Variants in ADD1 observed in about 807,000 individuals in gnomAD.
The protein encoded by ADD1 is alpha-adducin.
In ADD1, 24 loss-of-function variants were observed where a neutral mutation model predicts 80.5. The observed-to-expected ratio is 0.30, with a 90% CI of 0.22 to 0.42. The LOEUF (loss-of-function observed/expected upper bound fraction) is 0.42. Ranked by LOEUF, ADD1 falls within the 10% of genes least tolerant of loss-of-function variation. The probability of loss-of-function intolerance (pLI) is 1.00; values close to 1 mark genes in which losing one functional copy is unlikely to be tolerated. For synonymous variants in ADD1, 373 were observed against 393.8 expected (o/e 0.95, Z 0.63); for missense variants, 948 against 1,019.0 (o/e 0.93, Z 0.95).
intron 1 of ADD1, among the ~76,000 whole-genome samples, chr4:2,863,669 C>T (rs112015875): frequency 6.6e-6 from 1 of 152,036 alleles, no homozygotes; most frequent in Non-Finnish European, 1.5e-5. Context: ...TTCCAGACAG[C>T]ATTTTTGATT....
chr4:2,890,291 A>G (rs1734093873), intron 4 of ADD1, among the ~76,000 whole-genome samples: 1 of 152,226 alleles, frequency 6.6e-6, no homozygotes. Context: ...AAGGAATTTC[A>G]CAGAAGGGGA....
In ADD1 at chr4:2,905,023, C is replaced by T. The variant is rs181999328; in HGVS notation, c.1421C>T (p.Thr474Met). ...SSPKSKTKVW[T>M]NITHDHVKPL... ...CCCAAGTCGAAGACTAAGGTGTGGACGAACATTACACACGATCACGTGAAA... is the reference window on the plus strand; with the variant it reads ...CCCAAGTCGAAGACTAAGGTGTGGATGAACATTACACACGATCACGTGAAA... The change falls in exon 10 of 16, where the codon ACG (threonine) becomes ATG (methionine). Residue 474 changes from threonine to methionine, a missense_variant. Coordinates refer to ENST00000683351, the MANE Select transcript of ADD1 (RefSeq NM_001354761.2). 22 of 1,614,154 alleles carry T rather than the reference C, an allele frequency of 1.4e-5. No homozygotes were observed. In the Admixed American group the frequency reaches 1.8e-4, roughly 13 times the overall value.
intron 4 of ADD1, among the ~76,000 whole-genome samples, chr4:2,891,849 T>C (rs201146341): frequency 1.3e-5 from 2 of 152,294 alleles, no homozygotes; most frequent in East Asian, 3.9e-4. Flanking sequence ...CTACAGATCA[T>C]ATAAGGGGAG....
At chr4:2,892,287 T>C (rs28582852) in intron 4 of ADD1, among the ~76,000 whole-genome samples, 2,025 of 152,326 alleles carry the variant, frequency 0.013, 48 homozygotes, top group African/African-American at 0.046. Context: ...CCTTAACCCA[T>C]TAGTAAATGT....
rs149404198 is a variant in ADD1, at chr4:2,905,340, A to G, written c.1506+232A>G. On this transcript the variant is annotated intron_variant, in intron 10 of 15. Coordinates refer to ENST00000683351, the MANE Select transcript of ADD1 (RefSeq NM_001354761.2). The stretch of plus-strand genomic sequence containing the variant: ...TGTAACTCCGCAGTAGTTCCAGTAT[A>G]TCTCCGTATATAGCAAAAATATACA... The G allele has an allele frequency of 5.7e-4, 320 of 565,306 alleles. 1 individual carries two copies. The highest frequency in any genetic ancestry group is 5.5e-3 in the African/African-American group (297 of 53,604). 35.0% of individuals were successfully genotyped at this position (565,306 alleles called of 1,614,324 possible). A position where few individuals can be genotyped will look rare whatever the true frequency, so the allele number is the denominator to read the frequency against.
In ADD1 at chr4:2,929,260, C is replaced by T. The variant is rs946613562; in HGVS notation, c.*737C>T. ...AGGCCTTTCTAGAATTTTCTTTGAG[C>T]AGGTTTACAATTTAGCTTACATTTT... On this transcript the variant is annotated 3_prime_UTR_variant, in exon 16 of 16. Coordinates refer to ENST00000683351, the MANE Select transcript of ADD1 (RefSeq NM_001354761.2). 6.6e-6 allele frequency: 1 copy of T among 152,202 alleles called. No individual in the cohort carries two copies. The highest frequency in any genetic ancestry group is 1.5e-5 in the Non-Finnish European group (1 of 68,052). 9.4% of individuals were successfully genotyped at this position (152,202 alleles called of 1,614,324 possible). A position where few individuals can be genotyped will look rare whatever the true frequency, so the allele number is the denominator to read the frequency against.
intron 1 of ADD1, among the ~76,000 whole-genome samples, chr4:2,856,627 C>G (rs564113065): frequency 6.9e-6 from 1 of 143,912 alleles, no homozygotes; most frequent in African/African-American, 2.6e-5. Context: ...GGTCTTGCTC[C>G]GTTGCTCAGG....
At chr4:2,867,538 A>G (rs1435547043) in intron 1 of ADD1, among the ~76,000 whole-genome samples, 1 of 152,230 alleles carries the variant, frequency 6.6e-6, no homozygotes, top group Non-Finnish European at 1.5e-5. Flanking sequence ...ACCTTAAGCA[A>G]GTAACTGGAA....
intron 1 of ADD1, among the ~76,000 whole-genome samples, chr4:2,872,469 A>G (rs1194198927): frequency 6.6e-6 from 1 of 152,244 alleles, no homozygotes; most frequent in Non-Finnish European, 1.5e-5. Flanking sequence ...ATAGTTTGCC[A>G]CTTAATATGT....
At chr4:2,865,238 G>A (rs1194625757) in intron 1 of ADD1, among the ~76,000 whole-genome samples, 2 of 151,466 alleles carry the variant, frequency 1.3e-5, no homozygotes, top group Non-Finnish European at 1.5e-5. Flanking sequence ...AAAATTTTGT[G>A]TACTCATAAT....
intron 13 of ADD1, among the ~76,000 whole-genome samples, chr4:2,911,253 T>C (rs1229247631): frequency 1.1e-4 from 17 of 152,110 alleles, no homozygotes; most frequent in Non-Finnish European, 2.5e-4. Flanking sequence ...GGGGCTTTTC[T>C]GGAAAGGACT....
chr4:2,885,704 G>A (rs557935734), intron 4 of ADD1, among the ~76,000 whole-genome samples: 7 of 152,104 alleles, frequency 4.6e-5, no homozygotes, highest in Non-Finnish European at 7.4e-5. Context: ...CCGCCTCCCG[G>A]GTTCACGCCA....
chr4:2,886,926 T>G (rs1001304552), intron 4 of ADD1, among the ~76,000 whole-genome samples: 4 of 152,224 alleles, frequency 2.6e-5, no homozygotes, highest in Non-Finnish European at 4.4e-5. Context: ...ATTGGAAACG[T>G]AACCCTAACT....
Position 2,929,451 on chromosome 4 carries a change from C to T in ADD1, c.*928C>T, listed in dbSNP as rs1339959644. On this transcript the variant is annotated 3_prime_UTR_variant, in exon 16 of 16. Transcript: ENST00000683351. ...AAGGTAACTCGAGGTGGAGGGTAGC[C>T]CTGGGGCCCCTCGACATCACCGTCA... 2 of 152,214 alleles carry T rather than the reference C, an allele frequency of 1.3e-5. No homozygotes were observed. The highest frequency in any genetic ancestry group is 2.9e-5 in the Non-Finnish European group (2 of 68,106). 9.4% of individuals were successfully genotyped at this position (152,214 alleles called of 1,614,324 possible).
At position 2,928,837 on chromosome 4, in the gene ADD1, A is replaced by C. The variant is rs1577778575; in HGVS notation, c.*314A>C. Reference sequence around the variant, plus strand: ...GCTTCTGCAGCTTTGGCTGCACGTCACCCTCCTGAGCCTCACCTTTCCTGC... The same window carrying C: ...GCTTCTGCAGCTTTGGCTGCACGTCCCCCTCCTGAGCCTCACCTTTCCTGC... On this transcript the variant is annotated 3_prime_UTR_variant, in exon 16 of 16. Coordinates refer to ENST00000683351, the MANE Select transcript of ADD1 (RefSeq NM_001354761.2). The C allele has an allele frequency of 3.2e-6, 1 of 316,846 alleles. No homozygotes were observed. The highest frequency in any genetic ancestry group is 5.0e-5 in the South Asian group (1 of 20,114). The allele number at this position is 316,846 out of a possible 1,614,324, so 19.6% of individuals were successfully genotyped here.
chr4:2,848,971 T>C (rs780509493), intron 1 of ADD1, among the ~76,000 whole-genome samples: 4 of 152,206 alleles, frequency 2.6e-5, no homozygotes, highest in Non-Finnish European at 5.9e-5. Context: ...CATTTCCATC[T>C]TTGGGCACCT....
intron 1 of ADD1, among the ~76,000 whole-genome samples, chr4:2,863,093 A>T (rs1195791061): frequency 1.3e-5 from 2 of 152,104 alleles, no homozygotes; most frequent in Non-Finnish European, 2.9e-5. Context: ...TCTGTCACCC[A>T]GGCTAGAGTG....
chr4:2,901,794 AAG>A (rs998496789), intron 9 of ADD1: 1 of 152,182 alleles, frequency 6.6e-6, no homozygotes, highest in Non-Finnish European at 1.5e-5. Context: ...AAATTTCAAA[AAG>A]AGAGATAATA....
intron 1 of ADD1, among the ~76,000 whole-genome samples, chr4:2,851,765 TAGGA>T (rs1467914179): frequency 6.6e-6 from 1 of 152,090 alleles, no homozygotes; most frequent in Non-Finnish European, 1.5e-5. Flanking sequence ...TCTCCTTCAG[TAGGA>T]AGGGATGTGA....
Sources: gnomAD v4.1 joint callset for allele counts (sites outside exome capture counted in the v4.1 genomes callset) on GRCh38, gnomAD v4.1.1 for gene constraint, MANE v1.5 for transcripts, NCBI Gene and HGNC (gene_info 2026-07-23, HGNC 2026-07-21) for gene names.